The following NRG3 variants were observed in gnomAD, a reference collection of about 807,000 sequenced individuals.
The protein encoded by NRG3 is pro-neuregulin-3, membrane-bound isoform.
A neutral mutation model predicts 66.9 loss-of-function variants in NRG3; 31 were observed. That is an observed-to-expected ratio of 0.46 (90% CI 0.35 to 0.63). NRG3 has a LOEUF of 0.63. Ranked by LOEUF, NRG3 falls within the 20% of genes least tolerant of loss-of-function variation. The pLI is 0.00. For missense variants in NRG3, 910 were observed against 878.9 expected, an observed-to-expected ratio of 1.04 and a Z score of -0.45; for synonymous variants, 393 against 359.4, an observed-to-expected ratio of 1.09 and a Z score of -1.06.
chr10:82,857,449 A>G (rs1331521178), intron 3 of NRG3, among the ~76,000 whole-genome samples: 2 of 152,146 alleles, frequency 1.3e-5, no homozygotes, highest in Non-Finnish European at 1.5e-5. Context: ...GAGGCTGACC[A>G]TGGTAATAAT....
intron 1 of NRG3, among the ~76,000 whole-genome samples, chr10:82,265,882 G>A (rs2078270654): frequency 6.6e-6 from 1 of 152,138 alleles, no homozygotes; most frequent in Non-Finnish European, 1.5e-5. Context: ...TAACAATTCG[G>A]AGCATGAATT....
intron 1 of NRG3, among the ~76,000 whole-genome samples, chr10:81,893,187 A>C (rs1296213994): frequency 6.6e-6 from 1 of 151,804 alleles, no homozygotes; most frequent in Non-Finnish European, 1.5e-5. Flanking sequence ...GTTCAATATT[A>C]GTCCAGTTTT....
intron 3 of NRG3, among the ~76,000 whole-genome samples, chr10:82,774,710 A>G (rs1337591100): frequency 2.0e-5 from 3 of 150,516 alleles, no homozygotes; most frequent in Non-Finnish European, 4.4e-5. Context: ...TTACTTTTTC[A>G]AAGAAACAAC....
chr10:82,176,961 C>G (rs1241000940), intron 1 of NRG3, among the ~76,000 whole-genome samples: 1 of 151,318 alleles, frequency 6.6e-6, no homozygotes, highest in Admixed American at 6.6e-5. Context: ...CAGTTCCACC[C>G]CTAGCTCCAA....
intron 1 of NRG3, among the ~76,000 whole-genome samples, chr10:81,883,628 T>C (rs1414593192): frequency 1.3e-5 from 2 of 152,202 alleles, no homozygotes; most frequent in African/African-American, 4.8e-5. Flanking sequence ...AGCATTAGTA[T>C]GTTACAGCCA....
chr10:82,981,556 G>A (rs888929183), intron 8 of NRG3, among the ~76,000 whole-genome samples: 1 of 152,212 alleles, frequency 6.6e-6, no homozygotes, highest in Non-Finnish European at 1.5e-5. Context: ...ATTTGCAAGA[G>A]CCATCAGCCA....
chr10:82,085,835 CA>C (rs2065689228), intron 1 of NRG3, among the ~76,000 whole-genome samples: 1 of 151,952 alleles, frequency 6.6e-6, no homozygotes, highest in Non-Finnish European at 1.5e-5. Flanking sequence ...GGCTGGGTTT[CA>C]CCATGTTGGC....
chr10:82,328,671 T>C (rs546003136), intron 1 of NRG3, among the ~76,000 whole-genome samples: 9 of 152,308 alleles, frequency 5.9e-5, no homozygotes, highest in African/African-American at 7.2e-5. Context: ...TGGAGTGATT[T>C]CAAGATGCTG....
In NRG3 at chr10:81,999,778, C is replaced by G. The variant is rs553148474; in HGVS notation, c.823+123615C>G. Reference sequence around the variant, plus strand: ...TTAACAAATGAGACTTCATTTACGTCTTCAATATATGTATATTGTTAATTT... The same window carrying G: ...TTAACAAATGAGACTTCATTTACGTGTTCAATATATGTATATTGTTAATTT... On this transcript the variant is annotated intron_variant, in intron 1 of 8. Coordinates refer to ENST00000372141, the MANE Select transcript of NRG3 (RefSeq NM_001010848.4). Among the ~76,000 whole-genome samples, 12 of 152,264 alleles carry G rather than the reference C, an allele frequency of 7.9e-5. No individual in the cohort carries two copies. The South Asian group carries it at 1.9e-3, about 24-fold the overall frequency.
intron 2 of NRG3, among the ~76,000 whole-genome samples, chr10:82,377,457 T>TGTGTGC (rs57900993): frequency 2.5e-4 from 37 of 150,458 alleles, no homozygotes; most frequent in East Asian, 2.0e-3. Flanking sequence ...TGTGTGTGTG[T>TGTGTGC]GCGCGAGCGC....
intron 2 of NRG3, among the ~76,000 whole-genome samples, chr10:82,677,044 TTCTCTC>T (rs3040206): frequency 7.2e-4 from 106 of 148,168 alleles, no homozygotes; most frequent in African/African-American, 2.5e-3. Context: ...CTTTCTTTCT[TTCTCTC>T]TCTCTCTCTC....
intron 1 of NRG3, among the ~76,000 whole-genome samples, chr10:82,034,524 A>T (rs968053052): frequency 2.0e-5 from 3 of 151,836 alleles, no homozygotes; most frequent in Non-Finnish European, 4.4e-5. Context: ...TTTCTATTTC[A>T]TTTTCCTTAT....
intron 1 of NRG3, among the ~76,000 whole-genome samples, chr10:82,128,562 C>T (rs1045881923): frequency 6.6e-6 from 1 of 152,074 alleles, no homozygotes; most frequent in East Asian, 1.9e-4. Context: ...GGATTTATAT[C>T]TTTAATGCTG....
At chr10:82,200,171 G>A (rs944373584) in intron 1 of NRG3, among the ~76,000 whole-genome samples, 3 of 152,110 alleles carry the variant, frequency 2.0e-5, no homozygotes, top group Admixed American at 2.0e-4. Flanking sequence ...ATGACAATGT[G>A]CATTCTTAGC....
At chr10:82,575,407 A>C (rs1243388947) in intron 2 of NRG3, among the ~76,000 whole-genome samples, 3 of 151,738 alleles carry the variant, frequency 2.0e-5, no homozygotes, top group African/African-American at 7.3e-5. Context: ...GCAGGTTATT[A>C]AATTACTTTT....
intron 1 of NRG3, among the ~76,000 whole-genome samples, chr10:81,911,728 C>CAT (rs1845187255): frequency 1.1e-5 from 1 of 91,604 alleles, no homozygotes. Flanking sequence ...TCCCCGTTAC[C>CAT]ACACACACAC....
intron 1 of NRG3, among the ~76,000 whole-genome samples, chr10:82,040,039 A>G (rs568523901): frequency 3.3e-5 from 5 of 152,196 alleles, no homozygotes; most frequent in African/African-American, 1.2e-4. Flanking sequence ...AAGAAGGAGG[A>G]TTCATACCTA....
intron 1 of NRG3, among the ~76,000 whole-genome samples, chr10:82,279,043 G>C (rs1214316726): frequency 6.6e-6 from 1 of 152,162 alleles, no homozygotes; most frequent in Non-Finnish European, 1.5e-5. Flanking sequence ...GGGACTGTGA[G>C]TTGTGTGGAT....
At position 82,837,740 on chromosome 10, in the gene NRG3, G is replaced by T. The variant is rs490164; in HGVS notation, c.1028-27671G>T. Among the ~76,000 whole-genome samples the T allele has an allele frequency of 8.5e-4, 129 of 152,054 alleles. 2 individuals carry two copies. The highest frequency in any genetic ancestry group is 2.0e-3 in the Admixed American group (30 of 15,240). ...AAATGCCCGTTAGATTAATGCTGTT[G>T]AGAAAAAGAACAGGAGTTTTGGAAT... is the stretch of plus-strand genomic sequence containing the variant. On this transcript the variant is annotated intron_variant, in intron 3 of 8. Transcript: ENST00000372141.
Sources: gnomAD v4.1 joint callset for allele counts (sites outside exome capture counted in the v4.1 genomes callset) on GRCh38, gnomAD v4.1.1 for gene constraint, MANE v1.5 for transcripts, NCBI Gene and HGNC (gene_info 2026-07-23, HGNC 2026-07-21) for gene names.